Variants in PDS5B observed in about 807,000 individuals in gnomAD.
PDS5B encodes the protein sister chromatid cohesion protein PDS5 homolog B.
PDS5B carries 51 observed loss-of-function variants against 184.1 expected under a neutral mutation model. The ratio of observed to expected loss-of-function variants is 0.28; its 90% CI spans 0.22 to 0.35. The LOEUF (loss-of-function observed/expected upper bound fraction) is 0.35, where lower values mean the gene tolerates loss of function less well. PDS5B is among the 10% of genes least tolerant of loss of function. The pLI, the probability that PDS5B is intolerant of heterozygous loss-of-function variation, is 1.00. For synonymous variants in PDS5B, 566 were observed against 569.2 expected, an observed-to-expected ratio of 0.99 and a Z score of 0.08; for missense variants, 1,180 against 1,723.3, an observed-to-expected ratio of 0.68 and a Z score of 5.58.
Position 32,765,898 on chromosome 13 carries a change from G to A in PDS5B, c.3624+1304G>A, listed in dbSNP as rs921489760. On this transcript the variant is annotated intron_variant, in intron 31 of 34. Transcript: ENST00000315596. ...ATTACAGGCTTGAGCCATACTGCCC[G>A]CTGTGAAAGAATTATTCTAAAATTT... Among the ~76,000 whole-genome samples the A allele has an allele frequency of 8.5e-5, 13 of 152,306 alleles. No individual in the cohort carries two copies. In the East Asian group the frequency reaches 9.6e-4, roughly 11 times the overall value.
At chr13:32,618,863 T>G (rs2058255671) in intron 1 of PDS5B, among the ~76,000 whole-genome samples, 1 of 152,192 alleles carries the variant, frequency 6.6e-6, no homozygotes, top group Non-Finnish European at 1.5e-5. Context: ...GGATTGATAC[T>G]TACTTTTTGC....
intron 29 of PDS5B, 34 bp downstream of exon 29, chr13:32,759,724 G>A (rs1296982175): frequency 3.3e-6 from 4 of 1,199,346 alleles, no homozygotes; most frequent in Non-Finnish European, 4.8e-6. Flanking sequence ...TTTTTATGTG[G>A]TAGCTTATTT....
At chr13:32,712,974 G>T (rs1333254117) in intron 19 of PDS5B, among the ~76,000 whole-genome samples, 1 of 152,186 alleles carries the variant, frequency 6.6e-6, no homozygotes, top group Non-Finnish European at 1.5e-5. Flanking sequence ...TGAGTTATAT[G>T]AGTTCCATTG....
chr13:32,619,075 G>T (rs1019065091), intron 1 of PDS5B, among the ~76,000 whole-genome samples: 1 of 152,112 alleles, frequency 6.6e-6, no homozygotes, highest in Admixed American at 6.5e-5. Flanking sequence ...TCACTGTCTG[G>T]CAGGGCAAAT....
intron 14 of PDS5B, among the ~76,000 whole-genome samples, chr13:32,695,213 T>C (rs573371004): frequency 6.6e-6 from 1 of 151,998 alleles, no homozygotes; most frequent in Non-Finnish European, 1.5e-5. Context: ...CTTTTTTGCC[T>C]AATTGAAGCT....
At chr13:32,635,182 T>TG (rs2058524757) in intron 1 of PDS5B, among the ~76,000 whole-genome samples, 1 of 8,282 alleles carries the variant, frequency 1.2e-4, no homozygotes, top group Non-Finnish European at 2.5e-4. Flanking sequence ...TTTTTTTTTT[T>TG]TTTTTTTTTT....
chr13:32,639,790 C>T (rs2058626270), intron 1 of PDS5B, among the ~76,000 whole-genome samples: 1 of 152,162 alleles, frequency 6.6e-6, no homozygotes, highest in African/African-American at 2.4e-5. Context: ...TTATGTTTTC[C>T]TTTGAATTCC....
chr13:32,704,114 T>C (rs1951938962), intron 17 of PDS5B, among the ~76,000 whole-genome samples: 1 of 152,212 alleles, frequency 6.6e-6, no homozygotes, highest in South Asian at 2.1e-4. Context: ...AGCTCTGCTT[T>C]TTTACATTTA....
chr13:32,705,036 C>T (rs139517140), intron 17 of PDS5B, among the ~76,000 whole-genome samples: 2,469 of 152,206 alleles, frequency 0.016, 27 homozygotes, highest in Non-Finnish European at 0.028. Flanking sequence ...CATAGATTTT[C>T]GTATACCTGG....
At chr13:32,660,419 C>T (rs1313729800) in intron 6 of PDS5B, among the ~76,000 whole-genome samples, 1 of 152,194 alleles carries the variant, frequency 6.6e-6, no homozygotes, top group Admixed American at 6.5e-5. Context: ...CCTGTGTGCT[C>T]AGGTGAGAAG....
rs187578804 is a variant in PDS5B at position 32,666,144 on chromosome 13, A to C, written c.625-1620A>C. 3.6e-3 allele frequency among the ~76,000 whole-genome samples: 541 copies of C among 152,260 alleles called. 1 individual carries two copies. The highest frequency in any genetic ancestry group is 6.0e-3 in the Non-Finnish European group (409 of 67,998). ...CACCCAGGCTGGAGTGCAGTGGTGC[A>C]ATCTCAGCTCACTGCAACCTCTGCC... On this transcript the variant is annotated intron_variant, in intron 6 of 34. Transcript: ENST00000315596.
At chr13:32,723,871 A>G (rs1005180824) in intron 19 of PDS5B, among the ~76,000 whole-genome samples, 3 of 152,172 alleles carry the variant, frequency 2.0e-5, no homozygotes, top group African/African-American at 7.2e-5. Flanking sequence ...TTTCCACGTT[A>G]TATTATTGAA....
chr13:32,586,843 C>T (rs1183793656), intron 1 of PDS5B, among the ~76,000 whole-genome samples: 2 of 143,118 alleles, frequency 1.4e-5, no homozygotes, highest in Non-Finnish European at 3.1e-5. Context: ...GGCCCCGCGG[C>T]CGGCGCGCGC....
At chr13:32,719,992 T>A (rs551036165) in intron 19 of PDS5B, among the ~76,000 whole-genome samples, 1 of 152,146 alleles carries the variant, frequency 6.6e-6, no homozygotes, top group African/African-American at 2.4e-5. Context: ...GAGACTGGAT[T>A]TTGCCATGTG....
intron 6 of PDS5B, among the ~76,000 whole-genome samples, chr13:32,665,604 A>C (rs903783425): frequency 6.7e-6 from 1 of 150,350 alleles, no homozygotes; most frequent in Non-Finnish European, 1.5e-5. Flanking sequence ...AAAAAAAAAA[A>C]AAAAAAAAAA....
At chr13:32,635,049 C>T (rs529631126) in intron 1 of PDS5B, among the ~76,000 whole-genome samples, 45 of 145,328 alleles carry the variant, frequency 3.1e-4, no homozygotes, top group African/African-American at 9.2e-4. Flanking sequence ...ACTCTTGTCA[C>T]CTAGGCTGGA....
intron 1 of PDS5B, among the ~76,000 whole-genome samples, chr13:32,624,930 A>C (rs1404775078): frequency 6.6e-6 from 1 of 152,000 alleles, no homozygotes; most frequent in Non-Finnish European, 1.5e-5. Flanking sequence ...ACAGATGGTG[A>C]GTGTGGAAAT....
chr13:32,772,178 G>A (rs976595505), intron 33 of PDS5B, among the ~76,000 whole-genome samples: 2 of 152,012 alleles, frequency 1.3e-5, no homozygotes, highest in South Asian at 4.1e-4. Flanking sequence ...TGTTTGGTTC[G>A]AGCGTGAGTT....
intron 1 of PDS5B, among the ~76,000 whole-genome samples, chr13:32,601,252 A>G (rs1452862926): frequency 6.6e-6 from 1 of 152,152 alleles, no homozygotes; most frequent in African/African-American, 2.4e-5. Context: ...TTGTGGAAAG[A>G]TTATTTCAGT....
Sources: gnomAD v4.1 joint callset for allele counts (sites outside exome capture counted in the v4.1 genomes callset) on GRCh38, gnomAD v4.1.1 for gene constraint, MANE v1.5 for transcripts, NCBI Gene and HGNC (gene_info 2026-07-23, HGNC 2026-07-21) for gene names.